NXPE1: variants seen among roughly 807,000 people sequenced by gnomAD.
NXPE1 encodes the protein NXPE family member 1.
A neutral mutation model predicts 33.3 loss-of-function variants in NXPE1; 31 were observed. The observed-to-expected ratio is 0.93, with a 90% CI of 0.70 to 1.26. The LOEUF is 1.26. NXPE1 is among the 50% of genes most tolerant of loss of function. The pLI, the probability that NXPE1 is intolerant of heterozygous loss-of-function variation, is 0.00. For missense variants in NXPE1, 661 were observed against 655.6 expected (o/e 1.01, Z -0.09); for synonymous variants, 229 against 231.4 (o/e 0.99, Z 0.09).
chr11:114,524,953 C>T (rs1034457313), intron 7 of NXPE1, among the ~76,000 whole-genome samples: 7 of 152,048 alleles, frequency 4.6e-5, no homozygotes, highest in South Asian at 2.1e-4. Context: ...TGATTAACCC[C>T]GGTTTATCTA....
intron 1 of NXPE1, among the ~76,000 whole-genome samples, 183 bp downstream of exon 1, chr11:114,559,615 T>A (rs1440021860): frequency 2.6e-5 from 4 of 152,158 alleles, no homozygotes; most frequent in Non-Finnish European, 5.9e-5. Context: ...TATCAGTTTT[T>A]TTTTTTGTTT....
intron 5 of NXPE1, among the ~76,000 whole-genome samples, chr11:114,547,074 C>A (rs181112969): frequency 1.3e-5 from 2 of 152,248 alleles, no homozygotes; most frequent in East Asian, 3.9e-4. Flanking sequence ...AACAGAACTG[C>A]CCAATCCTTA....
chr11:114,544,230 T>C (rs1948197964), intron 5 of NXPE1, among the ~76,000 whole-genome samples: 1 of 152,158 alleles, frequency 6.6e-6, no homozygotes, highest in South Asian at 2.1e-4. Context: ...ATCAACAAAC[T>C]GACTGAAATT....
chr11:114,558,280 T>G (rs1337076917), intron 1 of NXPE1, among the ~76,000 whole-genome samples: 2 of 152,174 alleles, frequency 1.3e-5, no homozygotes, highest in Non-Finnish European at 1.5e-5. Context: ...TCCAAACAAA[T>G]ATCTGTGGCT....
exon 9 of NXPE1, chr11:114,521,918 G>T: frequency 1.5e-6 from 2 of 1,315,706 alleles, no homozygotes; most frequent in Non-Finnish European, 2.1e-6. Context: ...AATACATGTG[G>T]GATTATGTGC....
chr11:114,522,019 A>C, exon 9 of NXPE1: 1 of 1,613,896 alleles, frequency 6.2e-7, no homozygotes, highest in East Asian at 2.2e-5. Flanking sequence ...TCACATGATC[A>C]GGTGGGTGGA....
chr11:114,553,228 T>C (rs73568287), intron 1 of NXPE1, among the ~76,000 whole-genome samples: 1 of 152,240 alleles, frequency 6.6e-6, no homozygotes, highest in Non-Finnish European at 1.5e-5. Flanking sequence ...ATATGTGCTA[T>C]ACTGTTGTAT....
chr11:114,531,030 A>G, intron 5 of NXPE1, 122 bp from the exon 6 acceptor site: 1 of 1,067,972 alleles, frequency 9.4e-7, no homozygotes, highest in Non-Finnish European at 1.3e-6. Flanking sequence ...TTGTTACCAA[A>G]TTGAATATTT....
chr11:114,533,973 G>C (rs1947691004), intron 5 of NXPE1, among the ~76,000 whole-genome samples: 1 of 152,216 alleles, frequency 6.6e-6, no homozygotes, highest in Admixed American at 6.5e-5. Context: ...ATCTGAGAAT[G>C]GGCAGACTGC....
At position 114,531,004 on chromosome 11, in the gene NXPE1, T is replaced by A. The variant is rs190460679; in HGVS notation, c.100-96A>T. ...AATATTTGTTTACAGTGAATATTTG[T>A]ATAATTGAATTCAATTTGTTACCAA... On this transcript the variant is annotated intron_variant, in intron 5 of 8. Coordinates refer to ENST00000534921, the Ensembl canonical transcript of NXPE1. 6.2e-4 allele frequency: 771 copies of A among 1,243,960 alleles called. 4 individuals carry two copies. The African/African-American group carries it at 9.8e-3, about 16-fold the overall frequency. The allele number at this position is 1,243,960 out of a possible 1,614,324, so 77.1% of individuals were successfully genotyped here.
intron 6 of NXPE1, 22 bp downstream of exon 6, chr11:114,530,153 T>C (rs1329305451): frequency 6.4e-7 from 1 of 1,569,564 alleles, no homozygotes. Context: ...CACTTCTCAG[T>C]ATACATGAAA....
intron 5 of NXPE1, among the ~76,000 whole-genome samples, chr11:114,535,229 G>A (rs1294722219): frequency 6.6e-6 from 1 of 152,162 alleles, no homozygotes; most frequent in African/African-American, 2.4e-5. Flanking sequence ...ACAAGCAAAT[G>A]CTGAGAGATT....
intron 1 of NXPE1, among the ~76,000 whole-genome samples, chr11:114,557,214 A>G (rs1948672693): frequency 6.6e-6 from 1 of 152,130 alleles, no homozygotes; most frequent in Non-Finnish European, 1.5e-5. Context: ...CCTCTTGTGT[A>G]TTAGTCAAAA....
chr11:114,557,634 CATATATATATAT>C (rs4019608), intron 1 of NXPE1, among the ~76,000 whole-genome samples: 4,477 of 128,388 alleles, frequency 0.035, 263 homozygotes, highest in African/African-American at 0.11. Flanking sequence ...ATATATAATA[CATATATATATAT>C]ATATATATAT....
At position 114,530,173 on chromosome 11, in the gene NXPE1, A is replaced by C; in HGVS notation, c.833+2T>G. On this transcript the variant is annotated splice_donor_variant, in intron 6 of 8. Coordinates refer to ENST00000534921, the Ensembl canonical transcript of NXPE1. LOFTEE classifies it high-confidence loss of function. ...CTCAGTATACATGAAAAGTATACTC[A>C]CCTGTGGAAAAGGCTGTTTTCCTTG... The C allele has an allele frequency of 6.3e-7, 1 of 1,596,460 alleles. No homozygotes were observed. The highest frequency in any genetic ancestry group is 8.5e-7 in the Non-Finnish European group (1 of 1,172,504).
chr11:114,523,752 C>A (rs977151770), intron 7 of NXPE1, among the ~76,000 whole-genome samples: 17 of 152,130 alleles, frequency 1.1e-4, no homozygotes, highest in Non-Finnish European at 1.8e-4. Context: ...CTTGTTATGG[C>A]ATAACAAAGG....
intron 1 of NXPE1, chr11:114,554,477 A>T: frequency 3.1e-6 from 2 of 652,166 alleles, no homozygotes; most frequent in Non-Finnish European, 3.8e-6. Flanking sequence ...TTTTCCAAAT[A>T]CATAAAATAA....
chr11:114,528,354 G>C (rs1054438318), intron 6 of NXPE1, among the ~76,000 whole-genome samples: 4 of 152,090 alleles, frequency 2.6e-5, no homozygotes, highest in African/African-American at 7.2e-5. Context: ...CTGCACTACT[G>C]CTTACATCCC....
At chr11:114,540,885 T>G (rs1783243) in intron 5 of NXPE1, among the ~76,000 whole-genome samples, 20,294 of 80,500 alleles carry the variant, frequency 0.25, 2,277 homozygotes, top group East Asian at 0.51. Context: ...TTTTTTTTTT[T>G]GGCTTGAACA....
Sources: allele counts gnomAD v4.1 joint callset (sites outside exome capture counted in the v4.1 genomes callset), GRCh38; gene constraint gnomAD v4.1.1; transcripts MANE v1.5; gene names NCBI Gene and HGNC (gene_info 2026-07-23, HGNC 2026-07-21).